Variants in CELF4 observed in about 807,000 individuals in gnomAD.
The protein encoded by CELF4 is CUG-BP- and ETR-3-like factor 4.
CELF4 carries 18 observed loss-of-function variants against 59.9 expected under a neutral mutation model. That is an observed-to-expected ratio of 0.30 (90% confidence interval 0.21 to 0.45). The LOEUF is 0.45. Ranked by LOEUF, CELF4 falls within the 20% of genes least tolerant of loss-of-function variation. The pLI, the probability that CELF4 is intolerant of heterozygous loss-of-function variation, is 1.00. For synonymous variants in CELF4, 261 were observed against 267.1 expected, an observed-to-expected ratio of 0.98 and a Z score of 0.22; for missense variants, 456 against 689.0, an observed-to-expected ratio of 0.66 and a Z score of 3.79.
intron 2 of CELF4, among the ~76,000 whole-genome samples, chr18:37,482,158 G>A (rs1001117925): frequency 1.2e-4 from 18 of 152,188 alleles, no homozygotes; most frequent in African/African-American, 3.6e-4. Context: ...ACTCCAAGCG[G>A]GGAGGTGGAT....
intron 2 of CELF4, among the ~76,000 whole-genome samples, chr18:37,361,796 C>A (rs1035294934): frequency 2.6e-5 from 4 of 151,306 alleles, no homozygotes; most frequent in Admixed American, 2.6e-4. Flanking sequence ...AGATGCCCAG[C>A]CGGGGGAGCA....
At chr18:37,388,739 G>T (rs1406021905) in intron 2 of CELF4, among the ~76,000 whole-genome samples, 1 of 152,158 alleles carries the variant, frequency 6.6e-6, no homozygotes, top group Non-Finnish European at 1.5e-5. Flanking sequence ...GCCTCCCAGA[G>T]CCTCCACAGA....
intron 1 of CELF4, among the ~76,000 whole-genome samples, chr18:37,509,878 A>T (rs1188074740): frequency 6.6e-6 from 1 of 152,242 alleles, no homozygotes; most frequent in Admixed American, 6.5e-5. Context: ...TGAACCTTGA[A>T]AATATGCTCA....
chr18:37,274,685 C>G (rs1470882617), intron 5 of CELF4, 120 bp downstream of exon 5: 3 of 1,481,944 alleles, frequency 2.0e-6, no homozygotes, highest in Admixed American at 4.8e-5. Flanking sequence ...GTCTGAGGCC[C>G]GGAATAAGGG....
chr18:37,340,324 A>G (rs2097954819), intron 2 of CELF4, among the ~76,000 whole-genome samples: 1 of 152,196 alleles, frequency 6.6e-6, no homozygotes, highest in Non-Finnish European at 1.5e-5. Context: ...CTCAGCCCTG[A>G]CTGAGTTGGG....
intron 2 of CELF4, among the ~76,000 whole-genome samples, chr18:37,386,469 G>T (rs1404772821): frequency 6.6e-6 from 1 of 152,166 alleles, no homozygotes; most frequent in African/African-American, 2.4e-5. Flanking sequence ...CAGCTTGAGG[G>T]AGAACCAGCT....
At chr18:37,323,099 C>G (rs372650183) in intron 2 of CELF4, among the ~76,000 whole-genome samples, 1 of 152,060 alleles carries the variant, frequency 6.6e-6, no homozygotes, top group Non-Finnish European at 1.5e-5. Context: ...GTTTTGGCTG[C>G]GTCAGGACAA....
chr18:37,399,245 C>G (rs1201919040), intron 2 of CELF4, among the ~76,000 whole-genome samples: 1 of 152,156 alleles, frequency 6.6e-6, no homozygotes, highest in Non-Finnish European at 1.5e-5. Context: ...CATGAGGGGT[C>G]TGTCATGGTG....
At position 37,273,128 on chromosome 18, in the gene CELF4, G is replaced by T. The variant is rs142389555; in HGVS notation, c.837C>A (p.Val279=). ...MQQQAALMAS[V]AQGGYLNPMA... is the part of the protein sequence containing the mutation. ...TGGGGTTCAGGTAGCCGCCCTGCGCGACTGATGCCATCAGGGCCGCTTGCT... is the reference window on the plus strand; with the variant it reads ...TGGGGTTCAGGTAGCCGCCCTGCGCTACTGATGCCATCAGGGCCGCTTGCT... The change falls in exon 7 of 13, where the codon GTC becomes GTA. Residue 279 remains valine, a synonymous_variant. Transcript: ENST00000420428. 23 of 1,613,234 alleles carry T rather than the reference G, an allele frequency of 1.4e-5. No homozygotes were observed. The East Asian group carries it at 3.3e-4, about 23-fold the overall frequency.
Position 37,243,186 on chromosome 18 carries a change from C to CTTTTTTTTTTTTTTTTTTTTTTTTGT in CELF4, c.*2055_*2056insACAAAAAAAAAAAAAAAAAAAAAAAA, listed in dbSNP as rs561464294. 1 of 100,554 alleles carries CTTTTTTTTTTTTTTTTTTTTTTTTGT rather than the reference C, an allele frequency of 9.9e-6. No homozygotes were observed. Among genetic ancestry groups the CTTTTTTTTTTTTTTTTTTTTTTTTGT allele is most frequent in the African/African-American group, 4.1e-5 (1 of 24,126 alleles). 6.2% of individuals were successfully genotyped at this position (100,554 alleles called of 1,614,324 possible). ...TGTTTTCTTTTTTTTTTCTTTTTTTCTTTTTTTTTTTTTTTTTTTTACATC... is the reference window on the plus strand; with the variant it reads ...TGTTTTCTTTTTTTTTTCTTTTTTTCTTTTTTTTTTTTTTTTTTTTTTTTGTTTTTTTTTTTTTTTTTTTTTACATC... On this transcript the variant is annotated 3_prime_UTR_variant, in exon 13 of 13. Coordinates refer to ENST00000420428, the MANE Select transcript of CELF4 (RefSeq NM_020180.4).
At chr18:37,312,098 G>A (rs2096679583) in intron 3 of CELF4, among the ~76,000 whole-genome samples, 3 of 116,510 alleles carry the variant, frequency 2.6e-5, no homozygotes, top group African/African-American at 1.0e-4. Flanking sequence ...GCTACAGAGC[G>A]AGATTCCGTC....
chr18:37,287,128 C>A (rs922591073), intron 3 of CELF4, among the ~76,000 whole-genome samples: 2 of 151,954 alleles, frequency 1.3e-5, no homozygotes, highest in Non-Finnish European at 2.9e-5. Context: ...CGGGCTGGCC[C>A]CCGAGATACG....
At chr18:37,322,211 T>C (rs962077141) in intron 2 of CELF4, among the ~76,000 whole-genome samples, 16 of 152,240 alleles carry the variant, frequency 1.1e-4, no homozygotes, top group Admixed American at 1.3e-4. Flanking sequence ...TCCCTCTGTG[T>C]CACACAGGCC....
chr18:37,511,488 C>T (rs948540), intron 1 of CELF4, among the ~76,000 whole-genome samples: 90,062 of 151,780 alleles, frequency 0.59, 32,104 homozygotes, highest in East Asian at 0.83. Flanking sequence ...TAGTCTCGCT[C>T]ACCCACATTT....
chr18:37,255,400 G>T (rs1196211659), intron 11 of CELF4, among the ~76,000 whole-genome samples: 1 of 151,030 alleles, frequency 6.6e-6, no homozygotes, highest in East Asian at 1.9e-4. Flanking sequence ...TCTCCTTCCT[G>T]CCTTGCTCAA....
At chr18:37,335,269 G>A (rs1017117336) in intron 2 of CELF4, among the ~76,000 whole-genome samples, 7 of 152,100 alleles carry the variant, frequency 4.6e-5, no homozygotes, top group East Asian at 1.9e-4. Context: ...TCCAGGTCAC[G>A]GGCACTGCCT....
At chr18:37,428,855 A>G (rs966402639) in intron 2 of CELF4, among the ~76,000 whole-genome samples, 7 of 152,114 alleles carry the variant, frequency 4.6e-5, no homozygotes, top group African/African-American at 1.7e-4. Context: ...GGCCTTCTTT[A>G]TTTCTGTATC....
intron 3 of CELF4, among the ~76,000 whole-genome samples, chr18:37,284,179 A>G (rs1387181240): frequency 1.3e-5 from 2 of 150,416 alleles, no homozygotes; most frequent in Admixed American, 6.6e-5. Context: ...ACTCCAACAC[A>G]TACACAAATA....
chr18:37,264,575 C>T, intron 10 of CELF4, 99 bp downstream of exon 10: 6 of 992,932 alleles, frequency 6.0e-6, no homozygotes, highest in Non-Finnish European at 7.7e-6. Context: ...CAAACGTGGT[C>T]ACCTTTCCAA....
Sources: allele counts gnomAD v4.1 joint callset (sites outside exome capture counted in the v4.1 genomes callset), GRCh38; gene constraint gnomAD v4.1.1; transcripts MANE v1.5; gene names NCBI Gene and HGNC (gene_info 2026-07-23, HGNC 2026-07-21).